TARBP1: variants seen among roughly 807,000 people sequenced by gnomAD.
TARBP1 encodes the protein tRNA guanosine 2 -O-methyltransferase TARBP1.
A neutral mutation model predicts 178.6 loss-of-function variants in TARBP1; 144 were observed. The observed-to-expected ratio is 0.81, with a 90% CI of 0.70 to 0.93. The LOEUF (loss-of-function observed/expected upper bound fraction) is 0.93. TARBP1 is among the 40% of genes least tolerant of loss of function. The probability of loss-of-function intolerance (pLI) is 0.00; values close to 1 mark genes in which losing one functional copy is unlikely to be tolerated. For missense variants in TARBP1, 2,067 were observed against 2,011.7 expected, an observed-to-expected ratio of 1.03 and a Z score of -0.53; for synonymous variants, 787 against 781.0, an observed-to-expected ratio of 1.01 and a Z score of -0.13.
At chr1:234,461,302 T>TTTTG (rs368882492) in intron 6 of TARBP1, among the ~76,000 whole-genome samples, 1 of 149,240 alleles carries the variant, frequency 6.7e-6, no homozygotes, top group South Asian at 2.1e-4. Context: ...AAAGGTAATT[T>TTTTG]TTTGTTTGTT....
At chr1:234,410,351 A>T in intron 23 of TARBP1, 94 bp downstream of exon 23, 1 of 721,532 alleles carries the variant, frequency 1.4e-6, no homozygotes, top group East Asian at 2.7e-5. Flanking sequence ...AAAATTGCAA[A>T]CATTCACAGG....
chr1:234,431,963 T>C (rs1201016669), intron 14 of TARBP1, among the ~76,000 whole-genome samples: 1 of 150,874 alleles, frequency 6.6e-6, no homozygotes, highest in African/African-American at 2.4e-5. Flanking sequence ...ATGGTGAAAC[T>C]CCATCTCTAC....
intron 1 of TARBP1, among the ~76,000 whole-genome samples, chr1:234,475,283 C>T (rs979813857): frequency 1.3e-5 from 2 of 152,180 alleles, no homozygotes; most frequent in African/African-American, 4.8e-5. Context: ...GACCCTTCTC[C>T]GACAGGAAGC....
In TARBP1 at chr1:234,446,920, C is replaced by A; in HGVS notation, c.2017G>T (p.Val673Leu). The change falls in exon 12 of 30, where the codon GTG becomes TTG. Residue 673 changes from valine to leucine, a missense_variant. Coordinates refer to ENST00000040877, the MANE Select transcript of TARBP1 (RefSeq NM_005646.4). ...GCATTGGTACTAAACTTCATAAGCACATCCAGAAGAGGGTCTAAGAATATC... is the reference window on the plus strand; with the variant it reads ...GCATTGGTACTAAACTTCATAAGCAAATCCAGAAGAGGGTCTAAGAATATC... ...LRIFLDPLLD[V>L]LMKFSTNAYM... 6.2e-7 allele frequency: 1 copy of A among 1,613,958 alleles called. No individual in the cohort carries two copies. The highest frequency in any genetic ancestry group is 1.1e-5 in the South Asian group (1 of 91,056).
At chr1:234,398,753 G>A (rs572043337) in intron 25 of TARBP1, among the ~76,000 whole-genome samples, 200 bp from the exon 26 acceptor site, 2 of 152,158 alleles carry the variant, frequency 1.3e-5, no homozygotes, top group South Asian at 4.2e-4. Flanking sequence ...ATTAATTTAG[G>A]AAACCCCTGA....
chr1:234,448,629 GGAT>G, intron 10 of TARBP1, 50 bp from the exon 11 acceptor site: 3 of 1,449,848 alleles, frequency 2.1e-6, no homozygotes, highest in Middle Eastern at 3.5e-4. Context: ...AATCCTTCAA[GGAT>G]GATGCTTCAA....
At chr1:234,471,356 T>C in intron 2 of TARBP1, 99 bp from the exon 3 acceptor site, 2 of 766,846 alleles carry the variant, frequency 2.6e-6, no homozygotes, top group Non-Finnish European at 4.4e-6. Context: ...CTTCTGTTTC[T>C]ACAAAACATA....
Position 234,478,513 on chromosome 1 carries a change from T to A in TARBP1, c.591A>T (p.Pro197=). 1 of 1,384,638 alleles carries A rather than the reference T, an allele frequency of 7.2e-7. No homozygotes were observed. 85.8% of individuals were successfully genotyped at this position (1,384,638 alleles called of 1,614,324 possible). A position where few individuals can be genotyped will look rare whatever the true frequency, so the allele number is the denominator to read the frequency against. Residue 197 remains proline, a synonymous_variant, in exon 1 of 30, where the codon CCA becomes CCT. Coordinates refer to ENST00000040877, the MANE Select transcript of TARBP1 (RefSeq NM_005646.4). ...AAALVAGRLL[P]VLVQCGGAAL... Reference sequence around the variant, plus strand: ...CCGCCCCGCCACATTGGACCAGCACTGGCAGCAGTCGCCCGGCCACCAGCG... The same window carrying A: ...CCGCCCCGCCACATTGGACCAGCACAGGCAGCAGTCGCCCGGCCACCAGCG...
intron 12 of TARBP1, among the ~76,000 whole-genome samples, chr1:234,437,655 ACT>A (rs1303402935): frequency 1.3e-5 from 2 of 152,050 alleles, no homozygotes; most frequent in African/African-American, 4.8e-5. Context: ...CTATTTGAAA[ACT>A]CTACAAGGAA....
intron 26 of TARBP1, among the ~76,000 whole-genome samples, chr1:234,396,625 AT>A (rs1365996872): frequency 6.6e-6 from 1 of 152,162 alleles, no homozygotes; most frequent in East Asian, 1.9e-4. Flanking sequence ...TCTTTGTTGA[AT>A]GAATAAATTT....
chr1:234,467,791 A>AACCT, intron 3 of TARBP1, 141 bp from the exon 4 acceptor site: 1 of 942,708 alleles, frequency 1.1e-6, no homozygotes. Flanking sequence ...GTTTTTTGAG[A>AACCT]GACAGGTTCT....
At chr1:234,458,553 T>C (rs1390963499) in intron 8 of TARBP1, among the ~76,000 whole-genome samples, 1 of 152,202 alleles carries the variant, frequency 6.6e-6, no homozygotes, top group Admixed American at 6.5e-5. Context: ...AGTTCAGAAG[T>C]TGCAACACAG....
intron 13 of TARBP1, 78 bp from the exon 14 acceptor site, chr1:234,433,649 G>T (rs1664706846): frequency 7.1e-7 from 1 of 1,403,330 alleles, no homozygotes; most frequent in African/African-American, 1.4e-5. Flanking sequence ...TCAGGCAGGA[G>T]AAGTTTACTT....
At chr1:234,403,141 T>C (rs910257294) in intron 24 of TARBP1, among the ~76,000 whole-genome samples, 2 of 152,190 alleles carry the variant, frequency 1.3e-5, no homozygotes, top group African/African-American at 4.8e-5. Flanking sequence ...AACTTTTTGC[T>C]GGCTTCCCCA....
rs1664290174 is a variant in TARBP1 at position 234,430,272 on chromosome 1, T to G, written c.2424A>C (p.Arg808Ser). The stretch of plus-strand genomic sequence containing the variant: ...TGGCCAAGGCAGCCATGCTCACTAC[T>G]CTCTGAATCTGACTTCCAACTGTTG... ...QEPTVGSQIQ[R>S]VVSMAALAMV... The change falls in exon 15 of 30, where the codon AGA (arginine) becomes AGC (serine). Residue 808 changes from arginine to serine, a missense_variant. By Grantham distance (110) the Arg-to-Ser change is moderately radical (BLOSUM62 -1). Coordinates refer to ENST00000040877, the MANE Select transcript of TARBP1 (RefSeq NM_005646.4). 1 of 1,613,982 alleles carries G rather than the reference T, an allele frequency of 6.2e-7. No homozygotes were observed. Among genetic ancestry groups the G allele is most frequent in the South Asian group, 1.1e-5 (1 of 91,078 alleles).
intron 9 of TARBP1, among the ~76,000 whole-genome samples, chr1:234,452,991 T>C (rs1190288671): frequency 2.0e-5 from 3 of 152,142 alleles, no homozygotes; most frequent in Non-Finnish European, 2.9e-5. Context: ...ATTCCAACTA[T>C]GTGGCATTAT....
intron 1 of TARBP1, among the ~76,000 whole-genome samples, chr1:234,474,543 G>T (rs902358362): frequency 2.0e-5 from 3 of 152,132 alleles, no homozygotes; most frequent in Admixed American, 2.0e-4. Context: ...TGAAATTTCA[G>T]AATGCTAGAG....
chr1:234,393,747 T>G lies in TARBP1; in HGVS notation c.4334A>C (p.Asp1445Ala), dbSNP rs1659643776. 5 of 1,614,024 alleles carry G rather than the reference T, an allele frequency of 3.1e-6. No homozygotes were observed. The highest frequency in any genetic ancestry group is 1.6e-4 in the Middle Eastern group (1 of 6,062). Residue 1445 changes from aspartate (D) to alanine (A), a missense_variant, in exon 27 of 30, where the codon GAC (aspartate) becomes GCC (alanine). Physicochemically the swap from Asp to Ala is moderately radical, Grantham distance 126. Transcript: ENST00000040877. ...IPWNSRVSDL[D>A]LELLFQDRAA... is the part of the protein sequence containing the mutation. ...ACGATCCTGAAACAGGAGCTCCAGG[T>G]CTAAGTCGGAAACACGACTGTTCCA...
rs750676207 is a variant in TARBP1 at position 234,392,527 on chromosome 1, T to C, written c.4586A>G (p.Tyr1529Cys). 2 of 1,614,116 alleles carry C rather than the reference T, an allele frequency of 1.2e-6. No individual in the cohort carries two copies. The highest frequency in any genetic ancestry group is 1.7e-6 in the Non-Finnish European group (2 of 1,179,982). ...VEVKPPQLID[Y>C]LQQKKTEGYT... ...ACCTTCTGTTTTCTTCTGCTGCAGA[T>C]AATCAATTAGCTGAGGTGGTTTTAC... The change falls in exon 29 of 30, where the codon TAT becomes TGT. Residue 1529 changes from tyrosine to cysteine, a missense_variant. By Grantham distance (194) the Tyr-to-Cys change is radical. Coordinates refer to ENST00000040877, the MANE Select transcript of TARBP1 (RefSeq NM_005646.4).
Sources: gnomAD v4.1 joint callset for allele counts (sites outside exome capture counted in the v4.1 genomes callset) on GRCh38, gnomAD v4.1.1 for gene constraint, MANE v1.5 for transcripts, NCBI Gene and HGNC (gene_info 2026-07-23, HGNC 2026-07-21) for gene names.